Variants in GABRB1 observed in about 807,000 individuals in gnomAD.
GABRB1 encodes gamma-aminobutyric acid receptor subunit beta-1.
In GABRB1, 17 loss-of-function variants were observed where a neutral mutation model predicts 51.6. That is an observed-to-expected ratio of 0.33 (90% CI 0.23 to 0.49). The LOEUF (loss-of-function observed/expected upper bound fraction) is 0.49. GABRB1 is among the 20% of genes least tolerant of loss of function. GABRB1 has a pLI of 0.99. For synonymous variants in GABRB1, 247 were observed against 218.9 expected (o/e 1.13, Z -1.14); for missense variants, 410 against 600.6 (o/e 0.68, Z 3.32).
intron 5 of GABRB1, among the ~76,000 whole-genome samples, chr4:47,336,398 T>C (rs1725697337): frequency 1.3e-5 from 2 of 152,190 alleles, no homozygotes; most frequent in Non-Finnish European, 2.9e-5. Flanking sequence ...AAGCACATTG[T>C]AAATAATATC....
chr4:47,275,802 G>A (rs1375411004), intron 4 of GABRB1, among the ~76,000 whole-genome samples: 2 of 152,154 alleles, frequency 1.3e-5, no homozygotes, highest in Non-Finnish European at 2.9e-5. Flanking sequence ...ACATTTGGCA[G>A]TTACCTCCTG....
rs1303630576 is a variant in GABRB1 at position 47,184,948 on chromosome 4, A to ATTAC, written c.461+23482_461+23485dup. 2.0e-5 allele frequency among the ~76,000 whole-genome samples: 3 copies of ATTAC among 151,924 alleles called. No homozygotes were observed. In the East Asian group the frequency reaches 5.8e-4, roughly 30 times the overall value. ...GGTCCCCTTTTTTATCTACAAAACG[A>ATTAC]TTACTTTGCTATACCATGGTTATGT... is the stretch of plus-strand genomic sequence containing the variant. On this transcript the variant is annotated intron_variant, in intron 4 of 8. Transcript: ENST00000295454.
At chr4:47,038,866 T>G (rs1346636995) in intron 3 of GABRB1, among the ~76,000 whole-genome samples, 1 of 152,170 alleles carries the variant, frequency 6.6e-6, no homozygotes, top group Non-Finnish European at 1.5e-5. Context: ...TTGAAAATCA[T>G]AGGAGGAAGA....
intron 3 of GABRB1, among the ~76,000 whole-genome samples, chr4:47,133,355 G>C (rs1367017342): frequency 3.3e-5 from 5 of 152,144 alleles, no homozygotes; most frequent in African/African-American, 1.2e-4. Flanking sequence ...TCAGTGTGGG[G>C]AAACAGAGCA....
At chr4:47,355,822 T>C (rs1413371692) in intron 5 of GABRB1, among the ~76,000 whole-genome samples, 3 of 152,198 alleles carry the variant, frequency 2.0e-5, no homozygotes, top group South Asian at 4.1e-4. Context: ...AGTCACAAGA[T>C]GGACTTTTCC....
chr4:47,009,115 C>T (rs1216161151), intron 1 of GABRB1, among the ~76,000 whole-genome samples: 1 of 148,694 alleles, frequency 6.7e-6, no homozygotes, highest in African/African-American at 2.5e-5. Context: ...CCACCCACCT[C>T]GGCCTCCCAA....
At chr4:47,144,677 C>T (rs1018808246) in intron 3 of GABRB1, among the ~76,000 whole-genome samples, 3 of 151,798 alleles carry the variant, frequency 2.0e-5, no homozygotes, top group Admixed American at 6.6e-5. Flanking sequence ...AAACTGGAAT[C>T]GAATTTAGAT....
chr4:47,358,406 G>T lies in GABRB1; in HGVS notation c.544+38197G>T, dbSNP rs9991526. On this transcript the variant is annotated intron_variant, in intron 5 of 8. Transcript: ENST00000295454. Reference sequence around the variant, plus strand: ...GTATATATGTATATATATATATATAGAGAGAGAGAGAGTGAGAGAGAGAGA... The same window carrying T: ...GTATATATGTATATATATATATATATAGAGAGAGAGAGTGAGAGAGAGAGA... Among the ~76,000 whole-genome samples the T allele has an allele frequency of 7.8e-3, 1,175 of 150,806 alleles. 6 individuals are homozygous for T. The highest frequency in any genetic ancestry group is 0.021 in the Middle Eastern group (6 of 284).
intron 3 of GABRB1, among the ~76,000 whole-genome samples, chr4:47,156,311 T>A (rs1717697122): frequency 6.6e-6 from 1 of 152,068 alleles, no homozygotes; most frequent in South Asian, 2.1e-4. Context: ...TTTTCTCTGA[T>A]GATTAGTGAT....
intron 4 of GABRB1, among the ~76,000 whole-genome samples, chr4:47,218,928 T>A (rs968097830): frequency 1.3e-5 from 2 of 151,814 alleles, no homozygotes; most frequent in African/African-American, 4.8e-5. Context: ...AAAATATTTG[T>A]TCATAGAGAA....
chr4:47,102,443 G>A (rs1172138078), intron 3 of GABRB1, among the ~76,000 whole-genome samples: 1 of 151,942 alleles, frequency 6.6e-6, no homozygotes, highest in Non-Finnish European at 1.5e-5. Flanking sequence ...CAAATAGAAT[G>A]CAATGTGAGT....
At chr4:47,149,715 A>G (rs1717341322) in intron 3 of GABRB1, among the ~76,000 whole-genome samples, 2 of 152,044 alleles carry the variant, frequency 1.3e-5, no homozygotes, top group African/African-American at 4.8e-5. Context: ...ATAAAGCTAC[A>G]TCAGAGGAAA....
chr4:47,107,184 GAAAA>G (rs1410898619), intron 3 of GABRB1, among the ~76,000 whole-genome samples: 1 of 151,994 alleles, frequency 6.6e-6, no homozygotes, highest in Non-Finnish European at 1.5e-5. Flanking sequence ...CAGCTCAAAA[GAAAA>G]ATAGAATATT....
chr4:47,031,536 T>C (rs1335812772), upstream of GABRB1: 22 of 799,152 alleles, frequency 2.8e-5, no homozygotes, highest in Admixed American at 7.9e-5. Flanking sequence ...TGTCTTTTGG[T>C]AGTGAGCGCG....
chr4:47,169,648 C>T (rs1372303238), intron 4 of GABRB1, among the ~76,000 whole-genome samples: 1 of 152,064 alleles, frequency 6.6e-6, no homozygotes, highest in Non-Finnish European at 1.5e-5. Flanking sequence ...ATTACAGGCA[C>T]GTGCCACCGC....
intron 5 of GABRB1, among the ~76,000 whole-genome samples, chr4:47,340,479 T>C (rs948372619): frequency 2.6e-5 from 4 of 152,116 alleles, no homozygotes; most frequent in African/African-American, 9.7e-5. Flanking sequence ...TTTCTTACAG[T>C]TCTACAGTCC....
intron 4 of GABRB1, among the ~76,000 whole-genome samples, chr4:47,185,696 G>C (rs1719149002): frequency 6.6e-6 from 1 of 151,848 alleles, no homozygotes; most frequent in African/African-American, 2.4e-5. Context: ...CTCATCTGAA[G>C]ATGCTAATAA....
intron 3 of GABRB1, among the ~76,000 whole-genome samples, chr4:47,063,862 C>A (rs371489886): frequency 2.0e-5 from 3 of 151,780 alleles, no homozygotes; most frequent in Admixed American, 2.0e-4. Context: ...GGCGGGGGAA[C>A]AACACACACT....
chr4:47,203,245 A>T (rs540506677), intron 4 of GABRB1, among the ~76,000 whole-genome samples: 1 of 152,298 alleles, frequency 6.6e-6, no homozygotes, highest in South Asian at 2.1e-4. Context: ...GCATTCAATG[A>T]CTATAAATGT....
Sources: gnomAD v4.1 joint callset for allele counts (sites outside exome capture counted in the v4.1 genomes callset) on GRCh38, gnomAD v4.1.1 for gene constraint, MANE v1.5 for transcripts, NCBI Gene and HGNC (gene_info 2026-07-23, HGNC 2026-07-21) for gene names.